The following ZNF521 variants were observed in gnomAD, a reference collection of about 807,000 sequenced individuals.
ZNF521 encodes LYST-interacting protein 3.
Under a neutral mutation model 105.5 loss-of-function variants are expected in ZNF521, and 14 were observed. That is an observed-to-expected ratio of 0.13 (90% CI 0.09 to 0.21). The LOEUF is 0.21. Among genes scored for constraint, ZNF521 ranks in the 10% least tolerant of loss-of-function variants. ZNF521 has a pLI of 1.00. For missense variants in ZNF521, 1,233 were observed against 1,629.7 expected (o/e 0.76, Z 4.19); for synonymous variants, 635 against 606.0 (o/e 1.05, Z -0.70).
Position 25,074,079 on chromosome 18 carries a change from CGTGT to C in ZNF521, c.3907-11342_3907-11339del, listed in dbSNP as rs534783593. ...ATGTGTGCGCACGCGTGTGTGCGTG[CGTGT>C]GTGCACGCGCACGGGAATATGCCTG... On this transcript the variant is annotated intron_variant, in intron 7 of 7. Transcript: ENST00000361524. 1.3e-5 allele frequency among the ~76,000 whole-genome samples: 2 copies of C among 151,684 alleles called. 1 individual carries two copies. The highest frequency in any genetic ancestry group is 4.2e-4 in the South Asian group (2 of 4,804).
At chr18:25,338,849 C>T (rs1178950959) in intron 2 of ZNF521, among the ~76,000 whole-genome samples, 1 of 152,152 alleles carries the variant, frequency 6.6e-6, no homozygotes. Flanking sequence ...AGATGACTAA[C>T]ATATATTTTC....
At chr18:25,238,718 C>T (rs1192416648) in intron 3 of ZNF521, among the ~76,000 whole-genome samples, 2 of 152,146 alleles carry the variant, frequency 1.3e-5, no homozygotes, top group African/African-American at 4.8e-5. Flanking sequence ...CACAACAAAA[C>T]CAAAGGCTGA....
intron 2 of ZNF521, among the ~76,000 whole-genome samples, chr18:25,329,514 G>C (rs980046943): frequency 6.6e-6 from 1 of 152,234 alleles, no homozygotes; most frequent in East Asian, 1.9e-4. Context: ...AGCTCTCTAG[G>C]AAATAGAAAC....
intron 3 of ZNF521, among the ~76,000 whole-genome samples, chr18:25,292,690 C>T (rs1453966830): frequency 1.3e-5 from 2 of 152,198 alleles, no homozygotes; most frequent in Non-Finnish European, 2.9e-5. Flanking sequence ...CATGTGGCTT[C>T]TGTTGTTGCT....
At chr18:25,183,748 C>T (rs577768662) in intron 5 of ZNF521, among the ~76,000 whole-genome samples, 11 of 152,066 alleles carry the variant, frequency 7.2e-5, no homozygotes, top group African/African-American at 1.4e-4. Context: ...TGAAACACTC[C>T]GCAAGCCCAT....
rs771726321 is a variant in ZNF521 at position 25,226,047 on chromosome 18, C to G, written c.1871G>C (p.Gly624Ala). The change falls in exon 4 of 8, where the codon GGA (glycine) becomes GCA (alanine). Residue 624 changes from glycine (G) to alanine (A), a missense_variant. Around this residue, in one of 6 missense-constraint regions of ZNF521, gnomAD observed 614 missense variants for 751.5 expected, o/e 0.82. Coordinates refer to ENST00000361524, the MANE Select transcript of ZNF521 (RefSeq NM_015461.3). This position sits in a 1 kb window ranked among gnomAD's most constrained non-coding sequence, Gnocchi z 4.1. The part of the protein sequence containing the change: ...QTSLKMMQAV[G>A]GAPARPTGEY... ...TCCAGTGGGACGTGCAGGTGCACCT[C>G]CTACTGCCTGCATCATCTTAAGAGA... 1 of 1,614,176 alleles carries G rather than the reference C, an allele frequency of 6.2e-7. No homozygotes were observed. The highest frequency in any genetic ancestry group is 1.7e-5 in the Admixed American group (1 of 60,028).
chr18:25,119,515 T>C (rs1200785277), intron 5 of ZNF521, among the ~76,000 whole-genome samples: 1 of 152,038 alleles, frequency 6.6e-6, no homozygotes, highest in Non-Finnish European at 1.5e-5. Flanking sequence ...AACAATTAGA[T>C]ATCTAGGAAA....
chr18:25,303,610 T>C (rs894786809), intron 3 of ZNF521, among the ~76,000 whole-genome samples: 1 of 152,156 alleles, frequency 6.6e-6, no homozygotes, highest in Non-Finnish European at 1.5e-5. Context: ...ACAAACTTCT[T>C]TCTAATTCAA....
chr18:25,109,742 GTCT>G (rs2034147156), intron 5 of ZNF521, among the ~76,000 whole-genome samples: 1 of 152,116 alleles, frequency 6.6e-6, no homozygotes, highest in Admixed American at 6.5e-5. Flanking sequence ...CCACTTGTAT[GTCT>G]TCTTTTGAGG....
intron 3 of ZNF521, among the ~76,000 whole-genome samples, chr18:25,258,945 C>T (rs1460743403): frequency 1.3e-5 from 2 of 151,904 alleles, no homozygotes; most frequent in Non-Finnish European, 2.9e-5. Flanking sequence ...GCCAGGCACC[C>T]TGCTACATGC....
intron 2 of ZNF521, among the ~76,000 whole-genome samples, chr18:25,344,527 A>G (rs6508364): frequency 0.91 from 137,866 of 152,252 alleles, 62,615 homozygotes; most frequent in African/African-American, 0.97. Context: ...ATTGAAATGG[A>G]ATTAGAAAGT....
chr18:25,237,657 G>A (rs541202363), intron 3 of ZNF521, among the ~76,000 whole-genome samples: 2 of 152,266 alleles, frequency 1.3e-5, no homozygotes, highest in South Asian at 4.2e-4. Flanking sequence ...AATATTCAAA[G>A]ATATAAAACC....
At chr18:25,280,208 A>G (rs766705342) in intron 3 of ZNF521, among the ~76,000 whole-genome samples, 6 of 152,184 alleles carry the variant, frequency 3.9e-5, no homozygotes, top group Non-Finnish European at 7.3e-5. Flanking sequence ...AGTCCTGAAA[A>G]TAATAGAAGA....
In ZNF521 at chr18:25,122,375, C is replaced by T. The variant is rs564527815; in HGVS notation, c.3659-30294G>A. 3.3e-5 allele frequency among the ~76,000 whole-genome samples: 5 copies of T among 152,266 alleles called. No individual in the cohort carries two copies. In the East Asian group the frequency reaches 9.7e-4, roughly 29 times the overall value. ...AGAAAAATATCTGAAAAATAGGTAA[C>T]TGTCAAGTGACAGAGTGTCATGAAC... On this transcript the variant is annotated intron_variant, in intron 5 of 7. Coordinates refer to ENST00000361524, the MANE Select transcript of ZNF521 (RefSeq NM_015461.3).
intron 2 of ZNF521, among the ~76,000 whole-genome samples, chr18:25,327,175 C>A (rs746651784): frequency 5.9e-5 from 9 of 151,962 alleles, no homozygotes; most frequent in Non-Finnish European, 1.0e-4. Flanking sequence ...GAAAGCTGCC[C>A]GAGTTCTTTC....
At chr18:25,155,982 A>G (rs912937970) in intron 5 of ZNF521, among the ~76,000 whole-genome samples, 1 of 152,212 alleles carries the variant, frequency 6.6e-6, no homozygotes, top group Admixed American at 6.5e-5. Context: ...TTAAGTTTAA[A>G]GGACATAAAG....
At chr18:25,105,694 G>A (rs1245922960) in intron 5 of ZNF521, among the ~76,000 whole-genome samples, 5 of 152,152 alleles carry the variant, frequency 3.3e-5, no homozygotes, top group Non-Finnish European at 7.3e-5. Flanking sequence ...TGCTTGAAGT[G>A]ATATGGGTAG....
At chr18:25,206,377 T>A (rs1319598089) in intron 4 of ZNF521, among the ~76,000 whole-genome samples, 1 of 152,166 alleles carries the variant, frequency 6.6e-6, no homozygotes, top group East Asian at 1.9e-4. Flanking sequence ...AAATGACTCA[T>A]ACCTGTTCAC....
At chr18:25,170,651 C>T (rs1247357752) in intron 5 of ZNF521, among the ~76,000 whole-genome samples, 3 of 151,956 alleles carry the variant, frequency 2.0e-5, no homozygotes, top group Non-Finnish European at 2.9e-5. Context: ...TCAGTGACAC[C>T]CAATTTGATC....
Sources: allele counts gnomAD v4.1 joint callset (sites outside exome capture counted in the v4.1 genomes callset), GRCh38; gene constraint gnomAD v4.1.1; regional missense constraint gnomAD v4.1.1; non-coding constraint Gnocchi (gnomAD v3.1); transcripts MANE v1.5; gene names NCBI Gene and HGNC (gene_info 2026-07-23, HGNC 2026-07-21).